PRSS48: variants seen among roughly 807,000 people sequenced by gnomAD.
PRSS48 encodes epidermis-specific serine protease-like protein.
PRSS48 carries 21 observed loss-of-function variants against 25.6 expected under a neutral mutation model. That is an observed-to-expected ratio of 0.82 (90% confidence interval 0.58 to 1.18). The LOEUF (loss-of-function observed/expected upper bound fraction) is 1.18. Among genes scored for constraint, PRSS48 ranks in the 50% most tolerant of loss-of-function variants. The pLI is 0.00. For synonymous variants in PRSS48, 150 were observed against 149.3 expected (o/e 1.00, Z -0.04); for missense variants, 373 against 399.3 (o/e 0.93, Z 0.56).
intron 4 of PRSS48, among the ~76,000 whole-genome samples, chr4:151,286,912 A>G (rs925699713): frequency 4.6e-5 from 7 of 151,522 alleles, no homozygotes; most frequent in Non-Finnish European, 1.0e-4. Flanking sequence ...TCTGGGAGGT[A>G]GAGGTTACAG....
At chr4:151,282,267 C>T (rs775385056) in exon 3 of PRSS48, 30 of 1,613,978 alleles carry the variant, frequency 1.9e-5, no homozygotes, top group African/African-American at 4.0e-5. Flanking sequence ...CAAGATACAA[C>T]GGCAGACGTC....
intron 3 of PRSS48, 40 bp from the exon 4 acceptor site, chr4:151,283,073 TTTTC>T: frequency 6.3e-7 from 1 of 1,596,226 alleles, no homozygotes; most frequent in Non-Finnish European, 8.6e-7. Flanking sequence ...GCCCCTGCAC[TTTTC>T]TAGGTTGCTT....
At chr4:151,291,765 AGTATCT>A, downstream of PRSS48, among the ~76,000 whole-genome samples, 1 of 152,214 alleles carries the variant, frequency 6.6e-6, no homozygotes. Context: ...GAGGCAGGCA[AGTATCT>A]GTGATGACAC....
intron 4 of PRSS48, among the ~76,000 whole-genome samples, chr4:151,286,920 C>T (rs1379357109): frequency 2.0e-5 from 3 of 151,542 alleles, no homozygotes; most frequent in East Asian, 1.9e-4. Context: ...GTAGAGGTTA[C>T]AGTGAGCCGA....
chr4:151,282,126 G>C (rs746201559), intron 2 of PRSS48, 22 bp from the exon 3 acceptor site: 10 of 1,611,440 alleles, frequency 6.2e-6, no homozygotes, highest in Admixed American at 5.0e-5. Flanking sequence ...CCATAAGCAG[G>C]CCTCCTTTCT....
chr4:151,291,599 C>A, downstream of PRSS48: 1 of 612,016 alleles, frequency 1.6e-6, no homozygotes, highest in Non-Finnish European at 2.9e-6. Flanking sequence ...ATTCTTTGTC[C>A]TTGACTAATG....
chr4:151,291,477 C>A (rs181109910), downstream of PRSS48: 35 of 1,444,076 alleles, frequency 2.4e-5, no homozygotes, highest in East Asian at 7.6e-4. Flanking sequence ...CACTGCTAAC[C>A]CTGGGTGACT....
chr4:151,290,748 C>T (rs1775244513), intron 4 of PRSS48, among the ~76,000 whole-genome samples: 1 of 152,162 alleles, frequency 6.6e-6, no homozygotes, highest in Admixed American at 6.5e-5. Context: ...CTATCACTAT[C>T]ATTTTAGGTA....
At chr4:151,291,095 A>T (rs1235570220) in intron 4 of PRSS48, 23 bp from the exon 5 acceptor site, 1 of 1,564,536 alleles carries the variant, frequency 6.4e-7, no homozygotes, top group South Asian at 1.1e-5. Context: ...CACTATGCTC[A>T]TTACCTTTCA....
At chr4:151,282,178 G>T (rs754772564) in exon 3 of PRSS48, 3 of 1,613,882 alleles carry the variant, frequency 1.9e-6, no homozygotes, top group South Asian at 2.2e-5. Context: ...ATACTGTGTG[G>T]CTAGGATCGA....
chr4:151,286,193 A>AAC (rs1774755269), intron 4 of PRSS48, among the ~76,000 whole-genome samples: 1 of 149,764 alleles, frequency 6.7e-6, no homozygotes, highest in Non-Finnish European at 1.5e-5. Context: ...AGAAAAAAAA[A>AAC]AAAAAAAAAA....
intron 4 of PRSS48, 149 bp downstream of exon 4, chr4:151,283,435 T>G (rs1774439367): frequency 6.1e-6 from 4 of 652,744 alleles, no homozygotes; most frequent in Non-Finnish European, 1.0e-5. Context: ...ATCACTTAAC[T>G]TCTATCTGTG....
At chr4:151,277,338 C>A in intron 1 of PRSS48, 114 bp downstream of exon 1, 1 of 775,070 alleles carries the variant, frequency 1.3e-6, no homozygotes, top group Non-Finnish European at 1.8e-6. Context: ...AGTAGCACAG[C>A]CTGAGAAGGT....
chr4:151,283,184 G>C (rs746097297), exon 4 of PRSS48: 8 of 1,613,882 alleles, frequency 5.0e-6, no homozygotes, highest in Non-Finnish European at 5.1e-6. Flanking sequence ...CTTGTGAACA[G>C]CTCTACAATC....
intron 1 of PRSS48, among the ~76,000 whole-genome samples, chr4:151,277,909 C>T (rs984581978): frequency 6.4e-4 from 98 of 152,094 alleles, no homozygotes; most frequent in African/African-American, 2.2e-3. Flanking sequence ...GGCGTGGTGG[C>T]GGGCACCTGT....
At chr4:151,280,983 G>T (rs973875389) in intron 2 of PRSS48, among the ~76,000 whole-genome samples, 1 of 152,032 alleles carries the variant, frequency 6.6e-6, no homozygotes, top group Non-Finnish European at 1.5e-5. Context: ...TTCTCAAGAA[G>T]CCATAGGAGA....
chr4:151,287,905 A>C (rs1774974845), intron 4 of PRSS48, among the ~76,000 whole-genome samples: 2 of 152,230 alleles, frequency 1.3e-5, no homozygotes, highest in Non-Finnish European at 2.9e-5. Flanking sequence ...AAAAAATAAA[A>C]AATAAAAAGG....
intron 4 of PRSS48, among the ~76,000 whole-genome samples, chr4:151,286,201 A>C (rs1001146079): frequency 2.0e-5 from 3 of 150,372 alleles, no homozygotes; most frequent in Admixed American, 6.6e-5. Flanking sequence ...AAAAAAAAAA[A>C]AAACAACTAA....
chr4:151,282,142 C>A lies in PRSS48; in HGVS notation c.216-6C>A. 6.2e-7 allele frequency: 1 copy of A among 1,612,996 alleles called. No individual in the cohort carries two copies. The highest frequency in any genetic ancestry group is 8.5e-7 in the Non-Finnish European group (1 of 1,179,160). Reference sequence around the variant, plus strand: ...CATAAGCAGGCCTCCTTTCTTTTCCCCATAGGACCTGGACTACTTTTTCAT... The same window carrying A: ...CATAAGCAGGCCTCCTTTCTTTTCCACATAGGACCTGGACTACTTTTTCAT... On this transcript the variant is annotated splice_polypyrimidine_tract_variant and splice_region_variant and intron_variant, in intron 2 of 4. Coordinates refer to ENST00000455694, the Ensembl canonical transcript of PRSS48.
Sources: gnomAD v4.1 joint callset for allele counts (sites outside exome capture counted in the v4.1 genomes callset) on GRCh38, gnomAD v4.1.1 for gene constraint, MANE v1.5 for transcripts, NCBI Gene and HGNC (gene_info 2026-07-23, HGNC 2026-07-21) for gene names.